The following FAM110B variants were observed in gnomAD, a reference collection of about 807,000 sequenced individuals.
The protein encoded by FAM110B is protein FAM110B.
Under a neutral mutation model 20.4 loss-of-function variants are expected in FAM110B, and 6 were observed. The ratio of observed to expected loss-of-function variants is 0.29; its 90% confidence interval spans 0.16 to 0.58. The LOEUF (loss-of-function observed/expected upper bound fraction) is 0.58. Among genes scored for constraint, FAM110B ranks in the 20% least tolerant of loss-of-function variants. The pLI, the probability that FAM110B is intolerant of heterozygous loss-of-function variation, is 0.90. For missense variants in FAM110B, 434 were observed against 498.2 expected (o/e 0.87, Z 1.23); for synonymous variants, 226 against 214.1 (o/e 1.06, Z -0.49).
At chr8:58,093,531 C>T (rs1806540216) in intron 3 of FAM110B, among the ~76,000 whole-genome samples, 2 of 152,110 alleles carry the variant, frequency 1.3e-5, no homozygotes, top group South Asian at 4.1e-4. Context: ...TTATTTTTGT[C>T]AGGCTTGCCA....
intron 3 of FAM110B, among the ~76,000 whole-genome samples, chr8:58,111,821 A>G (rs1376399716): frequency 6.6e-6 from 1 of 152,098 alleles, no homozygotes; most frequent in East Asian, 1.9e-4. Flanking sequence ...TCTCTTACCC[A>G]TTCACTTCAC....
chr8:58,097,813 A>G (rs1806671081), intron 3 of FAM110B, among the ~76,000 whole-genome samples: 1 of 152,194 alleles, frequency 6.6e-6, no homozygotes, highest in African/African-American at 2.4e-5. Context: ...TTTTCCTTCT[A>G]ACAGTCAGGC....
intron 3 of FAM110B, among the ~76,000 whole-genome samples, chr8:58,081,418 G>C (rs145317630): frequency 2.6e-5 from 4 of 152,088 alleles, no homozygotes; most frequent in Admixed American, 1.3e-4. Context: ...TATTGGATAC[G>C]CTGGTCTCGA....
intron 3 of FAM110B, among the ~76,000 whole-genome samples, chr8:58,103,259 T>A (rs1440040384): frequency 6.6e-6 from 1 of 151,994 alleles, no homozygotes; most frequent in Non-Finnish European, 1.5e-5. Flanking sequence ...GCCATGCTGG[T>A]GTGCTGCACC....
At chr8:58,075,269 T>TGTGTGTGTGTGTGTG (rs1554521049) in intron 2 of FAM110B, among the ~76,000 whole-genome samples, 78 of 122,410 alleles carry the variant, frequency 6.4e-4, no homozygotes, top group African/African-American at 3.3e-3. Context: ...TTGCTTTTTT[T>TGTGTGTGTGTGTGTG]TTTTTTTGTG....
chr8:58,029,369 T>C (rs1409518646), intron 1 of FAM110B, among the ~76,000 whole-genome samples: 1 of 152,198 alleles, frequency 6.6e-6, no homozygotes, highest in Non-Finnish European at 1.5e-5. Flanking sequence ...TTAGACAACC[T>C]AAGAATATCC....
chr8:58,141,771 C>G (rs1297296340), intron 3 of FAM110B, among the ~76,000 whole-genome samples: 2 of 152,200 alleles, frequency 1.3e-5, no homozygotes, highest in Non-Finnish European at 2.9e-5. Context: ...TCTGGATTTG[C>G]TGTTGCGTCA....
rs371644807 is a variant in FAM110B, at chr8:58,019,360, AGG to A, written c.-511-12245_-511-12244del. 4.3e-3 allele frequency among the ~76,000 whole-genome samples: 442 copies of A among 101,960 alleles called. 8 individuals carry two copies. The highest frequency in any genetic ancestry group is 0.021 in the African/African-American group (412 of 19,966). The allele number at this position is 101,960 out of a possible 152,430, so 66.9% of individuals were successfully genotyped here. A position where few individuals can be genotyped will look rare whatever the true frequency, so the allele number is the denominator to read the frequency against. ...TCAAAAAAAAAAAAAAAAAAAAAAAAGGAAAGAAAGAAAGAAAGAAAAGAAAA... is the reference window on the plus strand; with the variant it reads ...TCAAAAAAAAAAAAAAAAAAAAAAAAAAAGAAAGAAAGAAAGAAAAGAAAA... On this transcript the variant is annotated intron_variant, in intron 1 of 3. Coordinates refer to ENST00000519262, the MANE Select transcript of FAM110B (RefSeq NM_001377989.1).
intron 1 of FAM110B, among the ~76,000 whole-genome samples, chr8:58,003,968 C>T (rs1804352398): frequency 6.6e-6 from 1 of 152,120 alleles, no homozygotes; most frequent in South Asian, 2.1e-4. Flanking sequence ...AAGTTTTGAC[C>T]AGCAGTCCCC....
intron 2 of FAM110B, among the ~76,000 whole-genome samples, chr8:58,071,287 A>G (rs1805891254): frequency 6.6e-6 from 1 of 152,192 alleles, no homozygotes; most frequent in African/African-American, 2.4e-5. Context: ...GTCGTATTTT[A>G]TACCAAAAAC....
rs1554568496 is a variant in FAM110B at position 58,006,923 on chromosome 8, A to ATTTTTT, written c.-512+12122_-512+12123insTTTTTT. ...TTGGTATATATATATATATATATATATTTTTCCAAAACCAGAGTTTGCATT... is the reference window on the plus strand; with the variant it reads ...TTGGTATATATATATATATATATATATTTTTTTTTTTCCAAAACCAGAGTTTGCATT... On this transcript the variant is annotated intron_variant, in intron 1 of 3. Coordinates refer to ENST00000519262, the MANE Select transcript of FAM110B (RefSeq NM_001377989.1). 2.5e-3 allele frequency among the ~76,000 whole-genome samples: 321 copies of ATTTTTT among 126,472 alleles called. 10 individuals carry two copies. Among genetic ancestry groups the ATTTTTT allele is most frequent in the African/African-American group, 7.0e-3 (229 of 32,876 alleles). 83.0% of individuals were successfully genotyped at this position (126,472 alleles called of 152,430 possible).
intron 2 of FAM110B, among the ~76,000 whole-genome samples, chr8:58,064,977 A>C (rs1390511372): frequency 6.6e-6 from 1 of 152,194 alleles, no homozygotes; most frequent in African/African-American, 2.4e-5. Flanking sequence ...GCCTCTACTA[A>C]TTTTAAAAGT....
At chr8:58,011,274 A>G (rs561514482) in intron 1 of FAM110B, among the ~76,000 whole-genome samples, 85 of 152,282 alleles carry the variant, frequency 5.6e-4, no homozygotes, top group African/African-American at 2.0e-3. Flanking sequence ...CTATGGCTCT[A>G]AGCTCCCTAA....
At chr8:58,126,909 G>A (rs187118248) in intron 3 of FAM110B, among the ~76,000 whole-genome samples, 1 of 152,196 alleles carries the variant, frequency 6.6e-6, no homozygotes, top group East Asian at 1.9e-4. Context: ...ATTCTAATCA[G>A]TCAAATTTAT....
chr8:58,144,181 C>T (rs1236766516), intron 3 of FAM110B, among the ~76,000 whole-genome samples: 1 of 152,152 alleles, frequency 6.6e-6, no homozygotes, highest in Non-Finnish European at 1.5e-5. Context: ...TGCCCCCAAA[C>T]TTTCTGGTAT....
chr8:58,056,136 G>A (rs1441247393), intron 2 of FAM110B, among the ~76,000 whole-genome samples: 2 of 152,210 alleles, frequency 1.3e-5, no homozygotes, highest in East Asian at 3.9e-4. Flanking sequence ...CAGTGGTGGA[G>A]TTGAGAGGTC....
rs1000543571 is a variant in FAM110B, at chr8:58,123,523, C to A, written c.-324-22384C>A. Among the ~76,000 whole-genome samples the A allele has an allele frequency of 2.6e-5, 4 of 152,102 alleles. No homozygotes were observed. In the South Asian group the frequency reaches 8.3e-4, roughly 32 times the overall value. On this transcript the variant is annotated intron_variant, in intron 3 of 3. Transcript: ENST00000519262. Reference sequence around the variant, plus strand: ...AATAAATCTTGCTACCATTTTGAACCAAAAGTAACCTTAAGGTTACTTTTT... The same window carrying A: ...AATAAATCTTGCTACCATTTTGAACAAAAAGTAACCTTAAGGTTACTTTTT...
rs1169473100 is a variant in FAM110B, at chr8:58,146,040, GA to G, written c.-187del. ...TGTGCAAGGGCCGCCTGGAAGGGGAGAAAAGTGTATGAAAGCCACCGTGGCG... is the reference window on the plus strand; with the variant it reads ...TGTGCAAGGGCCGCCTGGAAGGGGAGAAAGTGTATGAAAGCCACCGTGGCG... On this transcript the variant is annotated 5_prime_UTR_variant, in exon 4 of 4. Coordinates refer to ENST00000519262, the MANE Select transcript of FAM110B (RefSeq NM_001377989.1). The G allele has an allele frequency of 5.0e-6, 3 of 598,314 alleles. No individual in the cohort carries two copies. The highest frequency in any genetic ancestry group is 2.8e-6 in the Non-Finnish European group (1 of 354,098). The allele number at this position is 598,314 out of a possible 1,614,324, so 37.1% of individuals were successfully genotyped here. A position where few individuals can be genotyped will look rare whatever the true frequency, so the allele number is the denominator to read the frequency against.
At chr8:58,130,431 CA>C (rs1332132693) in intron 3 of FAM110B, among the ~76,000 whole-genome samples, 3 of 152,216 alleles carry the variant, frequency 2.0e-5, no homozygotes, top group Non-Finnish European at 4.4e-5. Flanking sequence ...GGAGGGGACT[CA>C]CATGTTCTGA....
Sources: gnomAD v4.1 joint callset for allele counts (sites outside exome capture counted in the v4.1 genomes callset) on GRCh38, gnomAD v4.1.1 for gene constraint, MANE v1.5 for transcripts, NCBI Gene and HGNC (gene_info 2026-07-23, HGNC 2026-07-21) for gene names.